Variants in HDX observed in about 807,000 individuals in gnomAD.
HDX encodes the protein chromosome X open reading frame 43.
A neutral mutation model predicts 45.2 loss-of-function variants in HDX; 19 were observed. The observed-to-expected ratio is 0.42, with a 90% CI of 0.29 to 0.62. The LOEUF is 0.62. Among genes scored for constraint, HDX ranks in the 20% least tolerant of loss-of-function variants. The pLI is 0.20. For missense variants in HDX, 532 were observed against 493.9 expected, an observed-to-expected ratio of 1.08 and a Z score of -0.73; for synonymous variants, 188 against 172.8, an observed-to-expected ratio of 1.09 and a Z score of -0.69.
chrX:84,333,930 A>T, intron 8 of HDX, 88 bp from the exon 9 acceptor site: 2 of 411,121 alleles, frequency 4.9e-6, no homozygotes, highest in Non-Finnish European at 4.4e-6. Context: ...TTCAATGTTT[A>T]GGTTATCTAG....
intron 5 of HDX, among the ~76,000 whole-genome samples, chrX:84,389,363 CA>C (rs2038390300): frequency 8.9e-6 from 1 of 111,744 alleles, no homozygotes. Flanking sequence ...ACCAGCCTGG[CA>C]GAGGAAGGCA....
intron 6 of HDX, among the ~76,000 whole-genome samples, chrX:84,353,390 G>A (rs1000097273): frequency 3.6e-4 from 40 of 110,860 alleles, no homozygotes; most frequent in African/African-American, 1.2e-3. Context: ...TCTCATAAAT[G>A]TAGTGCTTTT....
chrX:84,368,055 A>T lies in HDX; in HGVS notation c.1306-6443T>A, dbSNP rs191600958. 1.6e-3 allele frequency among the ~76,000 whole-genome samples: 179 copies of T among 111,776 alleles called. 1 individual carries two copies. The highest frequency in any genetic ancestry group is 5.5e-3 in the African/African-American group (168 of 30,797). ...CTTTGAATGAAGGCAGAAATGCATG[A>T]TGGTCCCTTTTTTCCTCTATCTTTT... On this transcript the variant is annotated intron_variant, in intron 5 of 10. Coordinates refer to ENST00000373177, the MANE Select transcript of HDX (RefSeq NM_001177479.2).
At chrX:84,465,287 G>A (rs1174833214) in intron 4 of HDX, among the ~76,000 whole-genome samples, 1 of 111,866 alleles carries the variant, frequency 8.9e-6, no homozygotes, top group Non-Finnish European at 1.9e-5. Flanking sequence ...TCTAGAACCA[G>A]ATATACCATT....
Position 84,321,592 on chromosome X carries a change from C to T in HDX, c.*297G>A, listed in dbSNP as rs2036598358. On this transcript the variant is annotated 3_prime_UTR_variant, in exon 11 of 11. Transcript: ENST00000373177. ...GCTGAAATGTCTTTAGTTATTTTGT[C>T]TCTGGTTAGAAATTAGACATAATGA... 1 of 139,854 alleles carries T rather than the reference C, an allele frequency of 7.2e-6. No homozygotes were observed. Among genetic ancestry groups the T allele is most frequent in the Non-Finnish European group, 1.4e-5 (1 of 71,082 alleles). 11.5% of individuals were successfully genotyped at this position (139,854 alleles called of 1,213,427 possible). A position where few individuals can be genotyped will look rare whatever the true frequency, so the allele number is the denominator to read the frequency against.
intron 5 of HDX, among the ~76,000 whole-genome samples, chrX:84,411,976 A>G (rs186074030): frequency 1.8e-5 from 2 of 111,366 alleles, no homozygotes; most frequent in East Asian, 5.6e-4. Flanking sequence ...CTGAAATTAT[A>G]CTATCAGCCC....
intron 4 of HDX, among the ~76,000 whole-genome samples, chrX:84,449,957 G>A (rs1225352970): frequency 1.8e-5 from 2 of 110,332 alleles, no homozygotes; most frequent in East Asian, 2.9e-4. Context: ...GGCCTGTTGT[G>A]GGGTGGGGGG....
intron 1 of HDX, among the ~76,000 whole-genome samples, chrX:84,491,353 A>AT (rs2040890026): frequency 8.9e-6 from 1 of 111,804 alleles, no homozygotes; most frequent in Non-Finnish European, 1.9e-5. Flanking sequence ...TTCATATGCT[A>AT]TATTTTGTCT....
intron 2 of HDX, among the ~76,000 whole-genome samples, chrX:84,478,868 A>G (rs747664042): frequency 9.0e-6 from 1 of 111,406 alleles, no homozygotes; most frequent in Non-Finnish European, 1.9e-5. Flanking sequence ...CTAAATAAAT[A>G]AGCAAATAAA....
At chrX:84,374,915 G>C (rs1302600611) in intron 5 of HDX, among the ~76,000 whole-genome samples, 1 of 102,290 alleles carries the variant, frequency 9.8e-6, no homozygotes, top group African/African-American at 3.6e-5. Context: ...AAACTAAAGA[G>C]CTTCTGCACA....
intron 7 of HDX, among the ~76,000 whole-genome samples, chrX:84,338,119 T>G (rs2147785931): frequency 9.0e-6 from 1 of 111,162 alleles, no homozygotes; most frequent in African/African-American, 3.3e-5. Flanking sequence ...TTTCGAAGTC[T>G]ATTCCTTTTC....
chrX:84,461,094 C>G (rs950344588), intron 4 of HDX, among the ~76,000 whole-genome samples: 7 of 111,262 alleles, frequency 6.3e-5, no homozygotes. Flanking sequence ...GGTGTCTATA[C>G]TATGTAAAGC....
chrX:84,495,142 A>C (rs1044130938), intron 1 of HDX, among the ~76,000 whole-genome samples: 16 of 111,321 alleles, frequency 1.4e-4, no homozygotes. Flanking sequence ...TCTAAAAAAA[A>C]AAAAAGTCAA....
chrX:84,386,785 G>A (rs996545109), intron 5 of HDX, among the ~76,000 whole-genome samples: 3 of 111,693 alleles, frequency 2.7e-5, no homozygotes, highest in African/African-American at 9.8e-5. Flanking sequence ...TCTTTGCAAA[G>A]AAACAGTCCC....
intron 5 of HDX, among the ~76,000 whole-genome samples, chrX:84,365,285 T>C (rs191109827): frequency 6.7e-4 from 75 of 111,703 alleles, no homozygotes; most frequent in Admixed American, 3.8e-4. Flanking sequence ...TGTGTTTTGA[T>C]CACCTCCTCT....
chrX:84,472,138 T>A (rs988406817), intron 3 of HDX, among the ~76,000 whole-genome samples: 2 of 110,356 alleles, frequency 1.8e-5, no homozygotes, highest in Admixed American at 9.7e-5. Context: ...ACCTATTGTG[T>A]TCTCTTCATA....
intron 6 of HDX, among the ~76,000 whole-genome samples, chrX:84,357,544 T>G (rs1234974057): frequency 9.0e-6 from 1 of 111,668 alleles, no homozygotes; most frequent in Non-Finnish European, 1.9e-5. Flanking sequence ...TGACCAAAGT[T>G]ATAGGAGGAT....
At chrX:84,414,875 T>C (rs1041551810) in intron 5 of HDX, among the ~76,000 whole-genome samples, 1 of 112,177 alleles carries the variant, frequency 8.9e-6, no homozygotes. Context: ...ATAAAATACA[T>C]TTTAACTACA....
At chrX:84,371,960 T>C (rs1180540004) in intron 5 of HDX, among the ~76,000 whole-genome samples, 1 of 111,727 alleles carries the variant, frequency 9.0e-6, no homozygotes, top group Non-Finnish European at 1.9e-5. Flanking sequence ...CATTGTTTAG[T>C]GATGAGAAAA....
Sources: allele counts gnomAD v4.1 joint callset (sites outside exome capture counted in the v4.1 genomes callset), GRCh38; gene constraint gnomAD v4.1.1; transcripts MANE v1.5; gene names NCBI Gene and HGNC (gene_info 2026-07-23, HGNC 2026-07-21).